GPC1: variants seen among roughly 807,000 people sequenced by gnomAD.
GPC1 encodes the protein glypican 1, also known as glypican-1.
Under a neutral mutation model 51.5 loss-of-function variants are expected in GPC1, and 26 were observed. The observed-to-expected ratio is 0.50, with a 90% confidence interval of 0.37 to 0.70. The LOEUF is 0.70. Ranked by LOEUF, GPC1 falls within the 30% of genes least tolerant of loss-of-function variation. GPC1 has a pLI of 0.00. For missense variants in GPC1, 775 were observed against 800.5 expected, an observed-to-expected ratio of 0.97 and a Z score of 0.38; for synonymous variants, 380 against 348.3, an observed-to-expected ratio of 1.09 and a Z score of -1.01.
In GPC1 at chr2:240,465,096, A is replaced by G. The variant is rs2074249896; in HGVS notation, c.1154A>G (p.Gln385Arg). The part of the protein sequence containing the change: ...LEKLVSEAKA[Q>R]LRDVQDFWIS... ...CCACAGGTCTCCGAAGCCAAGGCCC[A>G]GCTCCGCGACGTCCAGGACTTCTGG... The change falls in exon 7 of 9, where the codon CAG becomes CGG. Residue 385 changes from glutamine (Q) to arginine (R), a missense_variant. Transcript: ENST00000264039. 6.2e-7 allele frequency: 1 copy of G among 1,609,246 alleles called. No individual in the cohort carries two copies. Among genetic ancestry groups the G allele is most frequent in the Non-Finnish European group, 8.5e-7 (1 of 1,178,574 alleles).
rs2074250523 is a variant in GPC1, at chr2:240,465,172, C to A, written c.1230C>A (p.Ala410=). ...GTGAGAAGATGGCCCTGAGCACTGCCAGTGATGACCGCTGCTGGAACGGGA... is the reference window on the plus strand; with the variant it reads ...GTGAGAAGATGGCCCTGAGCACTGCAAGTGATGACCGCTGCTGGAACGGGA... The part of the protein sequence containing the change: ...LCSEKMALST[A]SDDRCWNGMA... The change falls in exon 7 of 9, where the codon GCC becomes GCA. Residue 410 remains alanine, a synonymous_variant. Coordinates refer to ENST00000264039, the MANE Select transcript of GPC1 (RefSeq NM_002081.3). 3.1e-6 allele frequency: 5 copies of A among 1,612,102 alleles called. No homozygotes were observed. In the East Asian group the frequency reaches 6.7e-5, roughly 22 times the overall value.
rs751446559 is a variant in GPC1 at position 240,466,217 on chromosome 2, C to A, written c.1604C>A (p.Pro535His). 2 of 1,612,972 alleles carry A rather than the reference C, an allele frequency of 1.2e-6. No individual in the cohort carries two copies. The highest frequency in any genetic ancestry group is 3.3e-5 in the Admixed American group (2 of 60,026). The stretch of plus-strand genomic sequence containing the variant: ...CAGAAGACCTCGGCTGCCAGCTGCC[C>A]CCAGCCCCCGACCTTCCTCCTGCCC... ...EGQKTSAASC[P>H]QPPTFLLPLL... Residue 535 changes from proline to histidine, a missense_variant, in exon 9 of 9, where the codon CCC (proline) becomes CAC (histidine). Pro to His is a moderately conservative substitution (Grantham distance 77, BLOSUM62 -2). Transcript: ENST00000264039.
intron 1 of GPC1, chr2:240,450,038 C>T: frequency 7.8e-6 from 3 of 385,764 alleles, no homozygotes; most frequent in South Asian, 3.8e-5. Flanking sequence ...CCTTTTCCTG[C>T]TTCCAGTTCT....
rs1435640976 is a variant in GPC1, at chr2:240,467,931, T to C, written c.*1641T>C. The stretch of plus-strand genomic sequence containing the variant: ...TCAGACCCCACCCTACGCTCATCTC[T>C]GGAAGGGGCAGCCCTGAGTGGTCAC... On this transcript the variant is annotated 3_prime_UTR_variant, in exon 9 of 9. Coordinates refer to ENST00000264039, the MANE Select transcript of GPC1 (RefSeq NM_002081.3). 8.5e-5 allele frequency: 13 copies of C among 152,246 alleles called. No homozygotes were observed. Among genetic ancestry groups the C allele is most frequent in the Admixed American group, 7.9e-4 (12 of 15,278 alleles). 9.4% of individuals were successfully genotyped at this position (152,246 alleles called of 1,614,324 possible). A position where few individuals can be genotyped will look rare whatever the true frequency, so the allele number is the denominator to read the frequency against.
intron 2 of GPC1, among the ~76,000 whole-genome samples, chr2:240,460,332 G>A (rs886408428): frequency 1.3e-5 from 2 of 152,206 alleles, no homozygotes; most frequent in East Asian, 1.9e-4. Context: ...CCCGGGGAGC[G>A]AGCCCCTGCA....
At chr2:240,446,473 G>A (rs1283205114) in intron 1 of GPC1, among the ~76,000 whole-genome samples, 1 of 152,218 alleles carries the variant, frequency 6.6e-6, no homozygotes, top group Non-Finnish European at 1.5e-5. Flanking sequence ...CAAGTAAAGG[G>A]GTGTGACATG....
intron 1 of GPC1, chr2:240,452,989 C>T (rs1366843873): frequency 2.6e-5 from 9 of 351,358 alleles, no homozygotes; most frequent in African/African-American, 4.6e-5. Flanking sequence ...GCCCGCGCGC[C>T]GCCCGGAGCC....
At position 240,465,471 on chromosome 2, in the gene GPC1, A is replaced by G; in HGVS notation, c.1269-2A>G. The G allele has an allele frequency of 1.2e-6, 2 of 1,612,760 alleles. No homozygotes were observed. The highest frequency in any genetic ancestry group is 1.7e-6 in the Non-Finnish European group (2 of 1,179,828). Reference sequence around the variant, plus strand: ...CCTGGGCTCTGCCTGCCTTTCCCCCAGGTACCTCCCCGAGGTCATGGGTGA... The same window carrying G: ...CCTGGGCTCTGCCTGCCTTTCCCCCGGGTACCTCCCCGAGGTCATGGGTGA... On this transcript the variant is annotated splice_acceptor_variant, in intron 7 of 8. Transcript: ENST00000264039. LOFTEE classifies it high-confidence loss of function.
rs776536728 is a variant in GPC1, at chr2:240,465,576, A to G, written c.1372A>G (p.Met458Val). Residue 458 changes from methionine (M) to valine (V), a missense_variant, in exon 8 of 9, where the codon ATG becomes GTG. Physicochemically the swap from Met to Val is conservative, Grantham distance 21. Transcript: ENST00000264039. Reference sequence around the variant, plus strand: ...GGACATGACCATCCGGCAGCAGATCATGCAGCTGAAGATCATGACCAACCG... The same window carrying G: ...GGACATGACCATCCGGCAGCAGATCGTGCAGCTGAAGATCATGACCAACCG... ...KPDMTIRQQI[M>V]QLKIMTNRLR... is the part of the protein sequence containing the mutation. 6.2e-7 allele frequency: 1 copy of G among 1,613,142 alleles called. No homozygotes were observed. The highest frequency in any genetic ancestry group is 8.5e-7 in the Non-Finnish European group (1 of 1,179,958).
Position 240,462,245 on chromosome 2 carries a change from C to G in GPC1, c.380C>G (p.Pro127Arg). 6.2e-7 allele frequency: 1 copy of G among 1,610,656 alleles called. No individual in the cohort carries two copies. Among genetic ancestry groups the G allele is most frequent in the Non-Finnish European group, 8.5e-7 (1 of 1,178,798 alleles). ...GAGCGGACGCTGCAGGCCACCTTCCCCGGCGCCTTCGGAGAGCTGTACACG... is the reference window on the plus strand; with the variant it reads ...GAGCGGACGCTGCAGGCCACCTTCCGCGGCGCCTTCGGAGAGCTGTACACG... ...DSERTLQATF[P>R]GAFGELYTQN... Residue 127 changes from proline (P) to arginine (R), a missense_variant, in exon 3 of 9, where the codon CCC becomes CGC. Physicochemically the swap from Pro to Arg is moderately radical, Grantham distance 103. Coordinates refer to ENST00000264039, the MANE Select transcript of GPC1 (RefSeq NM_002081.3).
intron 1 of GPC1, chr2:240,450,402 G>A: frequency 2.8e-6 from 1 of 353,968 alleles, no homozygotes; most frequent in Non-Finnish European, 5.7e-6. Context: ...GGGATGCTAA[G>A]GCTGTTCCTC....
rs1271774022 is a variant in GPC1, at chr2:240,464,642, T to G, written c.910T>G (p.Phe304Val). 48 of 1,609,714 alleles carry G rather than the reference T, an allele frequency of 3.0e-5. No homozygotes were observed. The highest frequency in any genetic ancestry group is 3.8e-5 in the Non-Finnish European group (45 of 1,178,408). Reference protein sequence around the residue: ...LDSMVLITDKFWGTSGVESVI... With the variant: ...LDSMVLITDKVWGTSGVESVI... ...CTCCATGGTGCTCATCACCGACAAG[T>G]TCTGGGGTACATCGGGTGTGGAGAG... is the stretch of plus-strand genomic sequence containing the variant. Residue 304 changes from phenylalanine to valine, a missense_variant, in exon 5 of 9, where the codon TTC (phenylalanine) becomes GTC (valine). Phe to Val is a conservative substitution (Grantham distance 50). Coordinates refer to ENST00000264039, the MANE Select transcript of GPC1 (RefSeq NM_002081.3).
In GPC1 at chr2:240,448,855, G is replaced by A. The variant is rs6734609; in HGVS notation, c.167-10175G>A. ...CAATGGGATAGTCAGGCCAGCGAGG[G>A]TGGCCAGGCCTGACCCTAGTTTTGC... On this transcript the variant is annotated intron_variant, in intron 1 of 8. Coordinates refer to ENST00000264039, the MANE Select transcript of GPC1 (RefSeq NM_002081.3). This position sits in a 1 kb window ranked among gnomAD's most constrained non-coding sequence, Gnocchi z 4.5. Among the ~76,000 whole-genome samples, 49,421 of 151,944 alleles carry A rather than the reference G, an allele frequency of 0.33. 8,327 individuals are homozygous for A. The highest frequency in any genetic ancestry group is 0.37 in the Middle Eastern group (110 of 294).
chr2:240,454,038 C>T (rs889661294), intron 1 of GPC1, among the ~76,000 whole-genome samples: 25 of 149,934 alleles, frequency 1.7e-4, no homozygotes, highest in African/African-American at 5.7e-4. Context: ...TCCTTGGCGA[C>T]GCTGTCATTT....
chr2:240,455,219 C>A (rs2074146346), intron 1 of GPC1, among the ~76,000 whole-genome samples: 1 of 152,136 alleles, frequency 6.6e-6, no homozygotes, highest in African/African-American at 2.4e-5. Flanking sequence ...GATGAATCTG[C>A]CATTAAACAA....
At chr2:240,453,244 C>G (rs1253608172) in intron 1 of GPC1, 2 of 172,606 alleles carry the variant, frequency 1.2e-5, no homozygotes, top group African/African-American at 2.6e-5. Context: ...AGTCCCACCC[C>G]ACCCGTCGCC....
At chr2:240,450,932 G>A (rs1255092368) in intron 1 of GPC1, 1 of 405,396 alleles carries the variant, frequency 2.5e-6, no homozygotes. Context: ...CCTGAGGGAG[G>A]TGAGGGGAAA....
rs867932714 is a variant in GPC1 at position 240,435,740 on chromosome 2, C to T, written c.-179C>T. 2.7e-3 allele frequency: 810 copies of T among 298,096 alleles called. 6 individuals carry two copies. Among genetic ancestry groups the T allele is most frequent in the African/African-American group, 0.016 (734 of 44,796 alleles). The allele number at this position is 298,096 out of a possible 1,614,324, so 18.5% of individuals were successfully genotyped here. A position where few individuals can be genotyped will look rare whatever the true frequency, so the allele number is the denominator to read the frequency against. On this transcript the variant is annotated 5_prime_UTR_variant, in exon 1 of 9. Transcript: ENST00000264039. ...TTCGGACCTCGCACCCCGCGCGCCC[C>T]GCGCCGCCGCCGCCGCCGGCTTTTG... is the stretch of plus-strand genomic sequence containing the variant.
rs2074254783 is a variant in GPC1 at position 240,465,605 on chromosome 2, G to A, written c.1401G>A (p.Leu467=). 2 of 1,613,048 alleles carry A rather than the reference G, an allele frequency of 1.2e-6. No individual in the cohort carries two copies. The highest frequency in any genetic ancestry group is 1.7e-6 in the Non-Finnish European group (2 of 1,180,002). ...AGCTGAAGATCATGACCAACCGGCTGCGCAGCGCCTACAACGGCAACGACG... is the reference window on the plus strand; with the variant it reads ...AGCTGAAGATCATGACCAACCGGCTACGCAGCGCCTACAACGGCAACGACG... ...IMQLKIMTNR[L]RSAYNGNDVD... The change falls in exon 8 of 9, where the codon CTG becomes CTA. Residue 467 remains leucine, a synonymous_variant. Coordinates refer to ENST00000264039, the MANE Select transcript of GPC1 (RefSeq NM_002081.3).
Sources: gnomAD v4.1 joint callset for allele counts (sites outside exome capture counted in the v4.1 genomes callset) on GRCh38, gnomAD v4.1.1 for gene constraint, Gnocchi (gnomAD v3.1) non-coding constraint, MANE v1.5 for transcripts, NCBI Gene and HGNC (gene_info 2026-07-23, HGNC 2026-07-21) for gene names.